Variants in TRPM3 observed in about 807,000 individuals in gnomAD.
The protein encoded by TRPM3 is long transient receptor potential channel 3.
A neutral mutation model predicts 181.2 loss-of-function variants in TRPM3; 77 were observed. The ratio of observed to expected loss-of-function variants is 0.42; its 90% CI spans 0.35 to 0.51. The LOEUF is 0.51. TRPM3 is among the 20% of genes least tolerant of loss of function. TRPM3 has a pLI of 0.01. For missense variants in TRPM3, 1,759 were observed against 2,196.7 expected, an observed-to-expected ratio of 0.80 and a Z score of 3.98; for synonymous variants, 745 against 796.4, an observed-to-expected ratio of 0.94 and a Z score of 1.09.
At chr9:70,756,439 TA>T (rs911561473) in intron 8 of TRPM3, among the ~76,000 whole-genome samples, 1 of 151,818 alleles carries the variant, frequency 6.6e-6, no homozygotes, top group African/African-American at 2.4e-5. Context: ...ATCAATGAGA[TA>T]AAAAAATAAC....
chr9:71,269,643 G>C (rs550689067), intron 1 of TRPM3, among the ~76,000 whole-genome samples: 1 of 152,136 alleles, frequency 6.6e-6, no homozygotes, highest in Admixed American at 6.6e-5. Context: ...CATGAAAAAG[G>C]AACTAGAAAA....
intron 1 of TRPM3, among the ~76,000 whole-genome samples, chr9:71,260,035 T>G (rs1417807088): frequency 2.0e-5 from 3 of 152,216 alleles, no homozygotes; most frequent in Admixed American, 6.5e-5. Context: ...AAGTCTTTAA[T>G]CCATCTTGAG....
intron 22 of TRPM3, among the ~76,000 whole-genome samples, chr9:70,567,766 G>A (rs2132107360): frequency 6.6e-6 from 1 of 152,242 alleles, no homozygotes; most frequent in South Asian, 2.1e-4. Flanking sequence ...CTGTTTGCTG[G>A]GCTCTGATAG....
At chr9:71,431,037 A>C (rs1480296078) in intron 1 of TRPM3, among the ~76,000 whole-genome samples, 2 of 152,198 alleles carry the variant, frequency 1.3e-5, no homozygotes, top group African/African-American at 4.8e-5. Flanking sequence ...TATTTGATAC[A>C]ATTGAAAATA....
At chr9:71,351,710 A>G (rs2132669028) in intron 1 of TRPM3, among the ~76,000 whole-genome samples, 1 of 152,272 alleles carries the variant, frequency 6.6e-6, no homozygotes, top group Middle Eastern at 3.4e-3. Flanking sequence ...AAAATGTCCA[A>G]TTTGCTATAT....
chr9:71,277,902 A>ATTAC (rs1416622273), intron 1 of TRPM3, among the ~76,000 whole-genome samples: 1 of 152,208 alleles, frequency 6.6e-6, no homozygotes, highest in African/African-American at 2.4e-5. Context: ...AGAACTGTAA[A>ATTAC]GCAGGAGGTT....
At chr9:71,159,985 C>T (rs1264704065) in intron 1 of TRPM3, among the ~76,000 whole-genome samples, 1 of 151,992 alleles carries the variant, frequency 6.6e-6, no homozygotes, top group Non-Finnish European at 1.5e-5. Flanking sequence ...TCTATCAGAC[C>T]CTATAGGACT....
Position 70,947,732 on chromosome 9 carries a change from G to A in TRPM3, c.178-83221C>T, listed in dbSNP as rs546202724. On this transcript the variant is annotated intron_variant, in intron 1 of 25. Coordinates refer to ENST00000677713, the MANE Select transcript of TRPM3 (RefSeq NM_001366145.2). ...TTTAGTGACAGCAACGTGCTTTCAA[G>A]AGCCAGGTGTGTGTGGGTGGGGGAA... Among the ~76,000 whole-genome samples the A allele has an allele frequency of 2.6e-5, 4 of 152,284 alleles. No homozygotes were observed. In the South Asian group the frequency reaches 8.3e-4, roughly 32 times the overall value.
In TRPM3 at chr9:70,529,381, T is replaced by C. The variant is rs2040559276; in HGVS notation, c.*6572A>G. The C allele has an allele frequency of 6.6e-6, 1 of 152,228 alleles. No individual in the cohort carries two copies. The highest frequency in any genetic ancestry group is 6.5e-5 in the Admixed American group (1 of 15,284). 9.4% of individuals were successfully genotyped at this position (152,228 alleles called of 1,614,324 possible). ...AATTCATTTAAAAATGATATCTGAA[T>C]AATTTCCCCCATTATAAACTAGGGT... On this transcript the variant is annotated 3_prime_UTR_variant, in exon 26 of 26. Coordinates refer to ENST00000677713, the MANE Select transcript of TRPM3 (RefSeq NM_001366145.2).
At chr9:71,252,651 A>G (rs2082413955) in intron 1 of TRPM3, among the ~76,000 whole-genome samples, 1 of 152,004 alleles carries the variant, frequency 6.6e-6, no homozygotes, top group African/African-American at 2.4e-5. Flanking sequence ...TTGCTATGGA[A>G]CTTTCAAAAA....
At chr9:70,681,164 A>C (rs562622810) in intron 9 of TRPM3, among the ~76,000 whole-genome samples, 2 of 152,150 alleles carry the variant, frequency 1.3e-5, no homozygotes, top group Admixed American at 6.6e-5. Flanking sequence ...ATGCCATATC[A>C]AATGGTTTTT....
rs80218683 is a variant in TRPM3, at chr9:71,163,552, T to C, written c.183+283101A>G. 4.4e-3 allele frequency among the ~76,000 whole-genome samples: 666 copies of C among 152,288 alleles called. 17 individuals are homozygous for C. In the South Asian group the frequency reaches 0.053, roughly 12 times the overall value. On this transcript the variant is annotated intron_variant, in intron 1 of 24. Transcript: ENST00000357533. ...ATGAGAGTTTGAAGTGCTTGTGAGA[T>C]AATCAAATTGAGGTAACAAACAGAG...
chr9:70,539,340 G>A (rs2042629639), intron 25 of TRPM3, among the ~76,000 whole-genome samples: 1 of 152,144 alleles, frequency 6.6e-6, no homozygotes. Flanking sequence ...CCAGGAGCAT[G>A]GGGGTGTGAC....
chr9:70,576,501 C>T (rs11142491), intron 22 of TRPM3, among the ~76,000 whole-genome samples: 2,586 of 145,174 alleles, frequency 0.018, 80 homozygotes, highest in African/African-American at 0.066. Flanking sequence ...TCCTCCTCCT[C>T]CTTCTTCTTT....
intron 1 of TRPM3, among the ~76,000 whole-genome samples, chr9:70,970,981 C>A (rs1341851504): frequency 6.6e-6 from 1 of 152,138 alleles, no homozygotes; most frequent in African/African-American, 2.4e-5. Flanking sequence ...GTCTGGCAAC[C>A]AATCCAAGCC....
At chr9:71,420,708 AAAGAAAGAGAGAAAGAG>A (rs2093722719) in intron 1 of TRPM3, among the ~76,000 whole-genome samples, 1 of 104,756 alleles carries the variant, frequency 9.5e-6, no homozygotes, top group African/African-American at 3.4e-5. Context: ...AAAGAGAGAG[AAAGAAAGAGAGAAAGAG>A]AGAGAGAGAG....
At chr9:70,798,611 G>C (rs1371408605) in intron 6 of TRPM3, among the ~76,000 whole-genome samples, 1 of 152,124 alleles carries the variant, frequency 6.6e-6, no homozygotes. Context: ...TAACATTCTG[G>C]TTCTTACAGT....
intron 7 of TRPM3, among the ~76,000 whole-genome samples, chr9:70,764,597 C>T (rs2078745145): frequency 6.6e-6 from 1 of 152,000 alleles, no homozygotes; most frequent in Admixed American, 6.6e-5. Context: ...TCCTTTGAGC[C>T]CAATTTCCCA....
intron 1 of TRPM3, among the ~76,000 whole-genome samples, chr9:71,367,300 CATA>C (rs2092366592): frequency 6.6e-6 from 1 of 152,130 alleles, no homozygotes; most frequent in African/African-American, 2.4e-5. Context: ...GGAAGTCTAT[CATA>C]ATAACAGCTG....
Sources: gnomAD v4.1 joint callset for allele counts (sites outside exome capture counted in the v4.1 genomes callset) on GRCh38, gnomAD v4.1.1 for gene constraint, MANE v1.5 for transcripts, NCBI Gene and HGNC (gene_info 2026-07-23, HGNC 2026-07-21) for gene names.